COX16: variants seen among roughly 807,000 people sequenced by gnomAD.
The protein encoded by COX16 is cytochrome c oxidase assembly factor COX16.
COX16 carries 12 observed loss-of-function variants against 15.4 expected under a neutral mutation model. That is an observed-to-expected ratio of 0.78 (90% confidence interval 0.50 to 1.26). The LOEUF (loss-of-function observed/expected upper bound fraction) is 1.26, where lower values mean the gene tolerates loss of function less well. Ranked by LOEUF, COX16 falls within the 50% of genes most tolerant of loss-of-function variation. The pLI is 0.00. For synonymous variants in COX16, 46 were observed against 41.1 expected (o/e 1.12, Z -0.46); for missense variants, 124 against 127.6 (o/e 0.97, Z 0.14).
chr14:70,343,297 T>C (rs114732944), intron 1 of COX16, among the ~76,000 whole-genome samples: 13 of 152,370 alleles, frequency 8.5e-5, no homozygotes, highest in Admixed American at 4.6e-4. Context: ...TCTATACTCA[T>C]TGCCCATATT....
At chr14:70,344,258 G>A (rs1886709170) in intron 1 of COX16, among the ~76,000 whole-genome samples, 1 of 152,232 alleles carries the variant, frequency 6.6e-6, no homozygotes, top group South Asian at 2.1e-4. Flanking sequence ...TTCTAATCTT[G>A]TAGCTAATTT....
chr14:70,346,916 T>C (rs1472845774), intron 1 of COX16, among the ~76,000 whole-genome samples: 1 of 152,024 alleles, frequency 6.6e-6, no homozygotes, highest in Non-Finnish European at 1.5e-5. Context: ...ACATTCCCCA[T>C]AGTACCCAAC....
chr14:70,331,458 C>T (rs1223846566), intron 2 of COX16, among the ~76,000 whole-genome samples: 1 of 151,780 alleles, frequency 6.6e-6, no homozygotes, highest in Non-Finnish European at 1.5e-5. Flanking sequence ...AGCAAGAGGC[C>T]TCAATAGACA....
chr14:70,356,122 GTATTCCTTTA>G (rs1234426245), intron 1 of COX16, among the ~76,000 whole-genome samples: 2 of 146,448 alleles, frequency 1.4e-5, no homozygotes. Flanking sequence ...CCAGCCTCTA[GTATTCCTTTA>G]TAGCAACAGT....
intron 1 of COX16, among the ~76,000 whole-genome samples, chr14:70,350,194 G>GGGTGCGCCA (rs1179435929): frequency 2.0e-5 from 3 of 152,180 alleles, no homozygotes; most frequent in African/African-American, 7.2e-5. Context: ...TGCGCCAGCA[G>GGGTGCGCCA]GGTGCGCCAG....
chr14:70,357,118 C>G (rs1283185413), intron 1 of COX16, among the ~76,000 whole-genome samples: 1 of 119,002 alleles, frequency 8.4e-6, no homozygotes. Flanking sequence ...TGACATGGAG[C>G]TCAACTAGTA....
At chr14:70,348,426 G>A (rs889257312) in intron 1 of COX16, among the ~76,000 whole-genome samples, 1 of 152,122 alleles carries the variant, frequency 6.6e-6, no homozygotes, top group Non-Finnish European at 1.5e-5. Context: ...ACACACTTCT[G>A]TGTGAACACT....
At position 70,346,616 on chromosome 14, in the gene COX16, C is replaced by T. The variant is rs1028553245; in HGVS notation, c.70-3887G>A. Among the ~76,000 whole-genome samples, 5 of 152,302 alleles carry T rather than the reference C, an allele frequency of 3.3e-5. No homozygotes were observed. The South Asian group carries it at 6.2e-4, about 19-fold the overall frequency. On this transcript the variant is annotated intron_variant, in intron 1 of 3. Transcript: ENST00000389912. ...TGATGGTGCCCTGGAATGGATGCCCCGGCAACTACCATCGCTTCATCCGAG... is the reference window on the plus strand; with the variant it reads ...TGATGGTGCCCTGGAATGGATGCCCTGGCAACTACCATCGCTTCATCCGAG...
intron 2 of COX16, among the ~76,000 whole-genome samples, chr14:70,336,278 A>G (rs1048771960): frequency 6.6e-6 from 1 of 152,022 alleles, no homozygotes; most frequent in African/African-American, 2.4e-5. Context: ...AACAAAAACA[A>G]AAACAAAAAA....
intron 1 of COX16, among the ~76,000 whole-genome samples, chr14:70,344,539 C>T (rs1358308468): frequency 6.6e-6 from 1 of 152,228 alleles, no homozygotes; most frequent in African/African-American, 2.4e-5. Context: ...CAAGGAGAAA[C>T]TCACTCACCA....
chr14:70,351,957 A>C (rs990051338), intron 1 of COX16, among the ~76,000 whole-genome samples: 1 of 152,232 alleles, frequency 6.6e-6, no homozygotes, highest in African/African-American at 2.4e-5. Context: ...TTTCAGCTTC[A>C]GAATGAGGGA....
At chr14:70,345,767 T>C (rs982631706) in intron 1 of COX16, among the ~76,000 whole-genome samples, 3 of 151,934 alleles carry the variant, frequency 2.0e-5, no homozygotes, top group Non-Finnish European at 2.9e-5. Context: ...TTCAAATCCT[T>C]CCCCTCCATT....
At chr14:70,336,448 T>C (rs1285092481) in intron 2 of COX16, among the ~76,000 whole-genome samples, 1 of 152,208 alleles carries the variant, frequency 6.6e-6, no homozygotes, top group African/African-American at 2.4e-5. Context: ...ATTTATTAAA[T>C]TGTACATGTA....
intron 2 of COX16, among the ~76,000 whole-genome samples, chr14:70,335,079 TAAGTC>T (rs930557596): frequency 2.7e-4 from 41 of 152,168 alleles, no homozygotes; most frequent in African/African-American, 9.6e-4. Flanking sequence ...AAAATAGACT[TAAGTC>T]AAAAACTAAA....
chr14:70,329,977 G>T (rs1886229459), intron 2 of COX16, among the ~76,000 whole-genome samples: 1 of 152,018 alleles, frequency 6.6e-6, no homozygotes. Context: ...AGACCTAAAA[G>T]TTCTAACACA....
Position 70,342,683 on chromosome 14 carries a change from A to C in COX16, c.116T>G (p.Ile39Ser), listed in dbSNP as rs1382748202. The stretch of plus-strand genomic sequence containing the variant: ...TTTACTCTTCACAGCATCATATCGG[A>C]TTTGAGAAAACTCACGAAGACCAAA... ...GSFGLREFSQ[I>S]RYDAVKSKMD... Residue 39 changes from isoleucine (I) to serine (S), a missense_variant, in exon 2 of 4, where the codon ATC becomes AGC. Physicochemically the swap from Ile to Ser is moderately radical, Grantham distance 142. Transcript: ENST00000389912. 3 of 1,613,226 alleles carry C rather than the reference A, an allele frequency of 1.9e-6. No homozygotes were observed. The highest frequency in any genetic ancestry group is 2.5e-6 in the Non-Finnish European group (3 of 1,179,778).
At chr14:70,335,359 A>G (rs1886417977) in intron 2 of COX16, among the ~76,000 whole-genome samples, 1 of 152,206 alleles carries the variant, frequency 6.6e-6, no homozygotes, top group South Asian at 2.1e-4. Flanking sequence ...ACCTAAGACA[A>G]ATTTACAGAA....
At chr14:70,343,925 C>G (rs897472765) in intron 1 of COX16, among the ~76,000 whole-genome samples, 1 of 152,110 alleles carries the variant, frequency 6.6e-6, no homozygotes, top group East Asian at 1.9e-4. Context: ...TCAGTCTCCC[C>G]GAGCATTCAG....
chr14:70,337,169 G>A (rs1310415610), intron 2 of COX16, among the ~76,000 whole-genome samples: 1 of 152,140 alleles, frequency 6.6e-6, no homozygotes, highest in Admixed American at 6.5e-5. Context: ...TTCTAGAACT[G>A]CATAAGATAG....
Sources: gnomAD v4.1 joint callset for allele counts (sites outside exome capture counted in the v4.1 genomes callset) on GRCh38, gnomAD v4.1.1 for gene constraint, MANE v1.5 for transcripts, NCBI Gene and HGNC (gene_info 2026-07-23, HGNC 2026-07-21) for gene names.